Variants in PTPRN2 observed in about 807,000 individuals in gnomAD.
PTPRN2 encodes receptor-type tyrosine-protein phosphatase N2.
A neutral mutation model predicts 118.8 loss-of-function variants in PTPRN2; 74 were observed. That is an observed-to-expected ratio of 0.62 (90% CI 0.52 to 0.76). PTPRN2 has a LOEUF of 0.76. PTPRN2 is among the 30% of genes least tolerant of loss of function. The pLI, the probability that PTPRN2 is intolerant of heterozygous loss-of-function variation, is 0.00. For missense variants in PTPRN2, 1,481 were observed against 1,394.4 expected, an observed-to-expected ratio of 1.06 and a Z score of -0.99; for synonymous variants, 641 against 608.0, an observed-to-expected ratio of 1.05 and a Z score of -0.80.
intron 2 of PTPRN2, among the ~76,000 whole-genome samples, chr7:158,418,607 G>A (rs375380604): frequency 2.1e-5 from 3 of 141,760 alleles, no homozygotes; most frequent in African/African-American, 7.8e-5. Flanking sequence ...GTAGCTCTCC[G>A]TGTCCCGCTG....
At chr7:158,210,441 C>G (rs1827513134) in intron 3 of PTPRN2, among the ~76,000 whole-genome samples, 1 of 151,680 alleles carries the variant, frequency 6.6e-6, no homozygotes, top group African/African-American at 2.4e-5. Context: ...CAAACCAAAC[C>G]CAAAATTAGT....
chr7:158,375,026 A>G (rs770458836), intron 2 of PTPRN2, among the ~76,000 whole-genome samples: 1 of 152,220 alleles, frequency 6.6e-6, no homozygotes, highest in African/African-American at 2.4e-5. Flanking sequence ...CCTGAGGCGC[A>G]GAGGAAAAGA....
At chr7:157,581,056 T>G (rs1418982080) in intron 17 of PTPRN2, among the ~76,000 whole-genome samples, 1 of 109,864 alleles carries the variant, frequency 9.1e-6, no homozygotes, top group Non-Finnish European at 1.8e-5. Context: ...GCACACCCCC[T>G]GCACACCCCA....
chr7:158,358,797 G>A (rs1808592865), intron 2 of PTPRN2, among the ~76,000 whole-genome samples: 2 of 152,246 alleles, frequency 1.3e-5, no homozygotes, highest in South Asian at 2.1e-4. Flanking sequence ...CTTGGGGAGG[G>A]GGAGTCAGCA....
intron 21 of PTPRN2, among the ~76,000 whole-genome samples, chr7:157,558,697 T>C (rs1799028200): frequency 6.6e-6 from 1 of 152,220 alleles, no homozygotes; most frequent in Admixed American, 6.5e-5. Context: ...CACTGACTGC[T>C]GGTACTGCTG....
intron 11 of PTPRN2, among the ~76,000 whole-genome samples, chr7:158,059,364 C>T (rs866327301): frequency 1.9e-4 from 19 of 101,522 alleles, no homozygotes; most frequent in African/African-American, 7.9e-4. Flanking sequence ...CACACGGTGA[C>T]GCATCACTGC....
At chr7:158,055,299 T>C (rs1809699818) in intron 11 of PTPRN2, among the ~76,000 whole-genome samples, 1 of 152,176 alleles carries the variant, frequency 6.6e-6, no homozygotes, top group Non-Finnish European at 1.5e-5. Flanking sequence ...ACCAGAGGGC[T>C]CCTTGGTCTA....
At chr7:157,799,143 G>A (rs1232349207) in intron 12 of PTPRN2, among the ~76,000 whole-genome samples, 1 of 152,180 alleles carries the variant, frequency 6.6e-6, no homozygotes. Context: ...CACCATCGGG[G>A]TGGGGCCAGC....
rs531705394 is a variant in PTPRN2 at position 157,830,908 on chromosome 7, C to T, written c.1788+67765G>A. 1.5e-4 allele frequency among the ~76,000 whole-genome samples: 23 copies of T among 152,272 alleles called. No individual in the cohort carries two copies. In the South Asian group the frequency reaches 3.3e-3, roughly 22 times the overall value. ...GTAACGTCACTGCTTCCAGGCTGCA[C>T]GCTGGGGGATGATGCAGACACTCCC... On this transcript the variant is annotated intron_variant, in intron 12 of 22. Transcript: ENST00000389418.
chr7:158,252,734 A>G (rs1344005900), intron 3 of PTPRN2, among the ~76,000 whole-genome samples: 1 of 152,204 alleles, frequency 6.6e-6, no homozygotes, highest in Non-Finnish European at 1.5e-5. Flanking sequence ...GAGTCCAAGC[A>G]GCAAAATCAC....
chr7:158,326,677 TGCACAG>T (rs1295066170), intron 2 of PTPRN2, among the ~76,000 whole-genome samples: 9 of 129,520 alleles, frequency 6.9e-5, no homozygotes, highest in Non-Finnish European at 1.3e-4. Context: ...TGCACACACA[TGCACAG>T]TCTCACACAT....
chr7:157,580,951 CA>C, intron 17 of PTPRN2, among the ~76,000 whole-genome samples: 1 of 140,354 alleles, frequency 7.1e-6, no homozygotes, highest in African/African-American at 2.7e-5. Context: ...CCAGCCCCTG[CA>C]CACCCCAGCA....
intron 13 of PTPRN2, among the ~76,000 whole-genome samples, chr7:157,675,614 C>CGAGGAG (rs1796628713): frequency 6.6e-6 from 1 of 152,166 alleles, no homozygotes; most frequent in African/African-American, 2.4e-5. Flanking sequence ...CAGCTCATGC[C>CGAGGAG]GAGGAGGAAG....
At chr7:158,136,551 T>TG (rs201030003) in intron 8 of PTPRN2, 104 bp downstream of exon 8, 1 of 1,090,026 alleles carries the variant, frequency 9.2e-7, no homozygotes, top group East Asian at 2.5e-5. Context: ...CATAATTTTC[T>TG]GGGAAAAAAA....
intron 12 of PTPRN2, among the ~76,000 whole-genome samples, chr7:157,885,491 C>A (rs1249963376): frequency 3.9e-5 from 6 of 152,206 alleles, no homozygotes; most frequent in Admixed American, 3.9e-4. Context: ...TGCAGATGCA[C>A]CCGCCTGACG....
intron 21 of PTPRN2, among the ~76,000 whole-genome samples, chr7:157,566,881 T>A (rs2150505719): frequency 6.6e-6 from 1 of 152,338 alleles, no homozygotes; most frequent in African/African-American, 2.4e-5. Flanking sequence ...GTCACCTGCG[T>A]CCGGCCGCCT....
chr7:157,837,413 C>T (rs1690461199), intron 12 of PTPRN2, among the ~76,000 whole-genome samples: 1 of 151,620 alleles, frequency 6.6e-6, no homozygotes, highest in African/African-American at 2.4e-5. Flanking sequence ...ATTATTAATG[C>T]CCATGGGGGA....
chr7:157,621,730 G>A (rs1262528170), intron 14 of PTPRN2, among the ~76,000 whole-genome samples: 7 of 152,176 alleles, frequency 4.6e-5, no homozygotes, highest in Non-Finnish European at 7.3e-5. Flanking sequence ...TTTTACATAT[G>A]TAAATATAAA....
chr7:158,210,519 AG>A (rs1827517247), intron 3 of PTPRN2, among the ~76,000 whole-genome samples: 1 of 152,194 alleles, frequency 6.6e-6, no homozygotes, highest in Admixed American at 6.5e-5. Flanking sequence ...ACAATACAAA[AG>A]ATCAATGAAA....
Sources: gnomAD v4.1 joint callset for allele counts (sites outside exome capture counted in the v4.1 genomes callset) on GRCh38, gnomAD v4.1.1 for gene constraint, MANE v1.5 for transcripts, NCBI Gene and HGNC (gene_info 2026-07-23, HGNC 2026-07-21) for gene names.